Variants in OCA2 observed in about 807,000 individuals in gnomAD.
OCA2 encodes P protein.
In OCA2, 77 loss-of-function variants were observed where a neutral mutation model predicts 100.2. The ratio of observed to expected loss-of-function variants is 0.77; its 90% confidence interval spans 0.64 to 0.93. The LOEUF (loss-of-function observed/expected upper bound fraction) is 0.93, where lower values mean the gene tolerates loss of function less well. Among genes scored for constraint, OCA2 ranks in the 40% least tolerant of loss-of-function variants. The pLI is 0.00. For synonymous variants in OCA2, 432 were observed against 439.2 expected (o/e 0.98, Z 0.21); for missense variants, 1,062 against 1,089.1 (o/e 0.98, Z 0.35).
chr15:27,844,073 A>G (rs1019007715), intron 23 of OCA2, among the ~76,000 whole-genome samples: 2 of 152,200 alleles, frequency 1.3e-5, no homozygotes, highest in East Asian at 3.9e-4. Flanking sequence ...TCCAGCCTCC[A>G]TTCTGCCCCC....
intron 6 of OCA2, among the ~76,000 whole-genome samples, chr15:28,021,929 G>A (rs528525645): frequency 6.6e-6 from 1 of 152,120 alleles, no homozygotes; most frequent in Non-Finnish European, 1.5e-5. Flanking sequence ...CACAGCAACC[G>A]CAAACCTCAA....
intron 21 of OCA2, among the ~76,000 whole-genome samples, chr15:27,856,648 G>C (rs1337954534): frequency 6.6e-6 from 1 of 151,726 alleles, no homozygotes; most frequent in Non-Finnish European, 1.5e-5. Flanking sequence ...AGCTTCCAGG[G>C]AATTTAAAGT....
the OCA2 span, among the ~76,000 whole-genome samples, chr15:27,721,232 G>A: frequency 6.6e-6 from 1 of 152,052 alleles, no homozygotes; most frequent in Non-Finnish European, 1.5e-5. Context: ...AGCCAGGTGC[G>A]GTGCTCAGGC....
the OCA2 span, among the ~76,000 whole-genome samples, chr15:27,736,138 A>G: frequency 1.1e-4 from 16 of 152,310 alleles, no homozygotes; most frequent in African/African-American, 3.8e-4. Context: ...TAATAAAAAT[A>G]ACTATAAGTG....
chr15:27,845,430 C>T (rs991562795), intron 22 of OCA2, among the ~76,000 whole-genome samples: 1 of 152,182 alleles, frequency 6.6e-6, no homozygotes, highest in African/African-American at 2.4e-5. Context: ...AACCACCTTC[C>T]TCTGGACTCC....
intron 9 of OCA2, among the ~76,000 whole-genome samples, chr15:28,003,945 C>T (rs1206830663): frequency 6.6e-6 from 1 of 152,230 alleles, no homozygotes; most frequent in Non-Finnish European, 1.5e-5. Flanking sequence ...AACCGAGGGA[C>T]TCAACCTGTC....
chr15:27,860,323 G>A (rs1001988242), intron 21 of OCA2, among the ~76,000 whole-genome samples: 9 of 152,128 alleles, frequency 5.9e-5, no homozygotes, highest in African/African-American at 2.2e-4. Context: ...TTAGAGTCAG[G>A]GGAGCACACC....
At chr15:28,040,031 CA>C (rs57662493) in intron 2 of OCA2, among the ~76,000 whole-genome samples, 32,018 of 106,894 alleles carry the variant, frequency 0.3, 4,704 homozygotes, top group African/African-American at 0.5. Flanking sequence ...GACTCCATCT[CA>C]AAAAAAAAAA....
chr15:28,008,145 A>T (rs2042140616), intron 9 of OCA2, among the ~76,000 whole-genome samples: 2 of 152,246 alleles, frequency 1.3e-5, no homozygotes, highest in Admixed American at 1.3e-4. Flanking sequence ...AGTGAGATGG[A>T]GCGCCCACGA....
intron 18 of OCA2, among the ~76,000 whole-genome samples, chr15:27,928,473 T>C (rs2039126696): frequency 6.6e-6 from 1 of 152,212 alleles, no homozygotes; most frequent in Non-Finnish European, 1.5e-5. Context: ...GGTCAGAGGA[T>C]GCTGGTTCAC....
At chr15:27,906,635 AATC>A (rs1379154302) in intron 19 of OCA2, among the ~76,000 whole-genome samples, 1 of 152,210 alleles carries the variant, frequency 6.6e-6, no homozygotes, top group Non-Finnish European at 1.5e-5. Flanking sequence ...AGAAGATAAA[AATC>A]ATCAAGGCCG....
At chr15:28,033,386 A>G (rs2042963282) in intron 2 of OCA2, among the ~76,000 whole-genome samples, 1 of 152,244 alleles carries the variant, frequency 6.6e-6, no homozygotes, top group African/African-American at 2.4e-5. Context: ...ACAAAGGAAG[A>G]AATTTTAAGA....
chr15:27,808,185 T>G (rs1414078847), intron 23 of OCA2, among the ~76,000 whole-genome samples: 1 of 152,228 alleles, frequency 6.6e-6, no homozygotes, highest in Non-Finnish European at 1.5e-5. Context: ...AAACGTTTCC[T>G]TCTGCTCCGG....
chr15:27,894,724 C>T (rs1313742957), intron 19 of OCA2, among the ~76,000 whole-genome samples: 1 of 152,210 alleles, frequency 6.6e-6, no homozygotes, highest in Non-Finnish European at 1.5e-5. Context: ...GTGCTGCCCA[C>T]AGGTGGCATT....
At chr15:27,824,417 T>C (rs375615218) in intron 23 of OCA2, among the ~76,000 whole-genome samples, 3 of 151,430 alleles carry the variant, frequency 2.0e-5, no homozygotes, top group East Asian at 3.9e-4. Context: ...ATGCAGCCTA[T>C]GACATGATGC....
chr15:28,000,856 A>C (rs1283830358), intron 9 of OCA2, among the ~76,000 whole-genome samples: 1 of 152,206 alleles, frequency 6.6e-6, no homozygotes, highest in Non-Finnish European at 1.5e-5. Flanking sequence ...GTACATGAAA[A>C]GGTGCTTAGC....
At chr15:27,780,373 G>T (rs895392362) in intron 23 of OCA2, among the ~76,000 whole-genome samples, 2 of 152,162 alleles carry the variant, frequency 1.3e-5, no homozygotes, top group African/African-American at 4.8e-5. Context: ...TATGGGCCCT[G>T]GCTTCCAGCA....
chr15:27,879,139 G>T (rs1294485695), intron 19 of OCA2, among the ~76,000 whole-genome samples: 1 of 152,064 alleles, frequency 6.6e-6, no homozygotes, highest in Non-Finnish European at 1.5e-5. Flanking sequence ...AACTTGCCGA[G>T]GATAACAGCT....
In OCA2 at chr15:27,878,006, TTTTA is replaced by T. The variant is rs1262832898; in HGVS notation, c.2080-6088_2080-6085del. ...TATTATTAAGTATTAAATATTAATATTTTAATTAATTTTTAATTATATTTTAGTA... is the reference window on the plus strand; with the variant it reads ...TATTATTAAGTATTAAATATTAATATATTAATTTTTAATTATATTTTAGTA... On this transcript the variant is annotated intron_variant, in intron 19 of 23. Coordinates refer to ENST00000354638, the MANE Select transcript of OCA2 (RefSeq NM_000275.3). Among the ~76,000 whole-genome samples the T allele has an allele frequency of 3.3e-5, 5 of 150,544 alleles. No individual in the cohort carries two copies. In the East Asian group the frequency reaches 7.7e-4, roughly 23 times the overall value.
Sources: allele counts gnomAD v4.1 joint callset (sites outside exome capture counted in the v4.1 genomes callset), GRCh38; gene constraint gnomAD v4.1.1; transcripts MANE v1.5; gene names NCBI Gene and HGNC (gene_info 2026-07-23, HGNC 2026-07-21).